ZDHHC13: variants seen among roughly 807,000 people sequenced by gnomAD.
ZDHHC13 encodes the protein zDHHC palmitoyltransferase 13, also known as palmitoyltransferase ZDHHC13.
ZDHHC13 carries 85 observed loss-of-function variants against 86.0 expected under a neutral mutation model. The ratio of observed to expected loss-of-function variants is 0.99; its 90% CI spans 0.83 to 1.18. The LOEUF (loss-of-function observed/expected upper bound fraction) is 1.18, where lower values mean the gene tolerates loss of function less well. Among genes scored for constraint, ZDHHC13 ranks in the 50% most tolerant of loss-of-function variants. The pLI, the probability that ZDHHC13 is intolerant of heterozygous loss-of-function variation, is 0.00. For synonymous variants in ZDHHC13, 263 were observed against 246.4 expected (o/e 1.07, Z -0.63); for missense variants, 711 against 730.2 (o/e 0.97, Z 0.30).
At chr11:19,139,253 A>G (rs1849238120) in intron 1 of ZDHHC13, among the ~76,000 whole-genome samples, 1 of 152,170 alleles carries the variant, frequency 6.6e-6, no homozygotes, top group Non-Finnish European at 1.5e-5. Context: ...AATCACAAGG[A>G]TTCTTATACA....
Position 19,152,651 on chromosome 11 carries a change from G to T in ZDHHC13, c.840G>T (p.Lys280Asn), listed in dbSNP as rs1326293997. The T allele has an allele frequency of 5.0e-6, 8 of 1,613,182 alleles. No homozygotes were observed. The highest frequency in any genetic ancestry group is 6.8e-6 in the Non-Finnish European group (8 of 1,179,398). Residue 280 changes from lysine (K) to asparagine (N), a missense_variant, in exon 8 of 17, where the codon AAG (lysine) becomes AAT (asparagine). By Grantham distance (94) the Lys-to-Asn change is moderately conservative. Transcript: ENST00000446113. ...KTEAKMRANQ[K>N]FRLWRWLQKC... Reference sequence around the variant, plus strand: ...AAGCCAAAATGAGAGCCAACCAAAAGTTCAGACTTTGGAGGTGGCTGCAGA... The same window carrying T: ...AAGCCAAAATGAGAGCCAACCAAAATTTCAGACTTTGGAGGTGGCTGCAGA...
At chr11:19,161,361 G>T (rs992019865) in intron 10 of ZDHHC13, among the ~76,000 whole-genome samples, 6 of 152,074 alleles carry the variant, frequency 3.9e-5, no homozygotes, top group African/African-American at 1.5e-4. Context: ...CAAGCTCATG[G>T]TGTGGCTGCA....
At chr11:19,150,618 T>A in intron 5 of ZDHHC13, 109 bp from the exon 6 acceptor site, 2 of 911,334 alleles carry the variant, frequency 2.2e-6, no homozygotes, top group Non-Finnish European at 3.3e-6. Context: ...GAGCCCTTTA[T>A]GTAGAAATAA....
At chr11:19,164,975 GT>G (rs1284232779) in intron 12 of ZDHHC13, 76 bp from the exon 13 acceptor site, 1 of 1,292,396 alleles carries the variant, frequency 7.7e-7, no homozygotes. Flanking sequence ...GTGACCTAAA[GT>G]TAAAATTTTG....
intron 1 of ZDHHC13, among the ~76,000 whole-genome samples, chr11:19,131,756 C>T (rs1395585123): frequency 1.3e-5 from 2 of 152,072 alleles, no homozygotes; most frequent in African/African-American, 2.4e-5. Flanking sequence ...GCCTCAGTCT[C>T]TCGAGCAGCT....
rs747520985 is a variant in ZDHHC13, at chr11:19,175,949, C to T, written c.1858C>T (p.Arg620Cys). ...VFHPAREKVLRSV is the reference protein window; with the variant it reads ...VFHPAREKVLCSV ...TCACCCAGCCAGGGAGAAGGTTCTTCGCTCAGTATGAAGAAAAGCAACCCA... is the reference window on the plus strand; with the variant it reads ...TCACCCAGCCAGGGAGAAGGTTCTTTGCTCAGTATGAAGAAAAGCAACCCA... The change falls in exon 17 of 17, where the codon CGC becomes TGC. Residue 620 changes from arginine to cysteine, a missense_variant. Coordinates refer to ENST00000446113, the MANE Select transcript of ZDHHC13 (RefSeq NM_019028.3). 1.1e-5 allele frequency: 17 copies of T among 1,606,806 alleles called. No individual in the cohort carries two copies. Among genetic ancestry groups the T allele is most frequent in the Admixed American group, 3.4e-5 (2 of 58,274 alleles).
At chr11:19,142,461 A>T (rs1400994571) in intron 1 of ZDHHC13, among the ~76,000 whole-genome samples, 1 of 152,102 alleles carries the variant, frequency 6.6e-6, no homozygotes, top group East Asian at 1.9e-4. Flanking sequence ...TGTGCTCAAG[A>T]GGAAGGAATT....
At chr11:19,118,559 C>T (rs140217018) in intron 1 of ZDHHC13, among the ~76,000 whole-genome samples, 1,720 of 152,300 alleles carry the variant, frequency 0.011, 22 homozygotes, top group Non-Finnish European at 0.015. Context: ...TTACAGAAGG[C>T]TTCAAGTGCT....
chr11:19,164,935 GGTCT>G (rs1850015957), intron 12 of ZDHHC13, 113 bp from the exon 13 acceptor site: 2 of 738,194 alleles, frequency 2.7e-6, no homozygotes, highest in Admixed American at 2.3e-5. Flanking sequence ...GTGAATTGAT[GGTCT>G]GTTTAGGATT....
intron 1 of ZDHHC13, among the ~76,000 whole-genome samples, chr11:19,128,063 T>C (rs1848914832): frequency 2.0e-5 from 3 of 152,228 alleles, no homozygotes; most frequent in South Asian, 2.1e-4. Flanking sequence ...TTTCATGATA[T>C]TGATTCTTCC....
At chr11:19,157,315 T>C (rs1219116945) in intron 9 of ZDHHC13, among the ~76,000 whole-genome samples, 1 of 152,208 alleles carries the variant, frequency 6.6e-6, no homozygotes, top group Admixed American at 6.5e-5. Flanking sequence ...TAGAAAAGAA[T>C]CTAAAGGGAA....
At chr11:19,154,769 C>T (rs574558941) in intron 8 of ZDHHC13, among the ~76,000 whole-genome samples, 6 of 152,124 alleles carry the variant, frequency 3.9e-5, no homozygotes, top group Admixed American at 6.5e-5. Flanking sequence ...TTCTTTCTGC[C>T]GGTTCTCATC....
chr11:19,169,577 A>G (rs1436529418), intron 14 of ZDHHC13: 1 of 985,370 alleles, frequency 1.0e-6, no homozygotes, highest in Non-Finnish European at 1.2e-6. Context: ...CTCAAGGTGC[A>G]AATCGACAGA....
intron 1 of ZDHHC13, 47 bp from the exon 2 acceptor site, chr11:19,142,931 G>A: frequency 2.6e-6 from 4 of 1,527,018 alleles, no homozygotes; most frequent in Non-Finnish European, 3.5e-6. Context: ...GTAATTGAGT[G>A]TGACATTAAT....
Position 19,117,597 on chromosome 11 carries a change from T to G in ZDHHC13, c.27+321T>G. 3.1e-5 allele frequency: 10 copies of G among 321,768 alleles called. No homozygotes were observed. The highest frequency in any genetic ancestry group is 1.3e-4 in the South Asian group (1 of 7,970). 19.9% of individuals were successfully genotyped at this position (321,768 alleles called of 1,614,324 possible). ...GGGCCTGGGGAGGGGACGATGGCCC[T>G]TCCCGGGAGAGGTGTCAGGTGACAC... On this transcript the variant is annotated intron_variant, in intron 1 of 16. Transcript: ENST00000446113. This position sits in a 1 kb window ranked among gnomAD's most constrained non-coding sequence, Gnocchi z 4.2.
chr11:19,163,444 A>C lies in ZDHHC13; in HGVS notation c.1233+17A>C. On this transcript the variant is annotated intron_variant, in intron 11 of 16. Coordinates refer to ENST00000446113, the MANE Select transcript of ZDHHC13 (RefSeq NM_019028.3). ...AAGAAAGTGGTGAGATTTCTTCGTT[A>C]CTGATATTTTTAATAGGAGGGTTTG... The C allele has an allele frequency of 6.4e-7, 1 of 1,568,942 alleles. No individual in the cohort carries two copies. Among genetic ancestry groups the C allele is most frequent in the Non-Finnish European group, 8.6e-7 (1 of 1,164,232 alleles).
chr11:19,145,024 G>A (rs754042322), intron 2 of ZDHHC13, among the ~76,000 whole-genome samples: 4 of 151,950 alleles, frequency 2.6e-5, no homozygotes, highest in Non-Finnish European at 4.4e-5. Context: ...CAGGAGAATC[G>A]CTTCAACCTG....
intron 2 of ZDHHC13, among the ~76,000 whole-genome samples, chr11:19,144,752 C>CT (rs377257623): frequency 3.5e-4 from 53 of 152,254 alleles, no homozygotes; most frequent in African/African-American, 1.2e-3. Context: ...CTTATTGGAA[C>CT]TTTCAGGTAG....
intron 1 of ZDHHC13, among the ~76,000 whole-genome samples, chr11:19,137,314 CAAA>C (rs995809114): frequency 6.6e-6 from 1 of 151,952 alleles, no homozygotes; most frequent in Non-Finnish European, 1.5e-5. Context: ...TCAAAAGAGA[CAAA>C]GAAGGCCATT....
Sources: gnomAD v4.1 joint callset for allele counts (sites outside exome capture counted in the v4.1 genomes callset) on GRCh38, gnomAD v4.1.1 for gene constraint, Gnocchi (gnomAD v3.1) non-coding constraint, MANE v1.5 for transcripts, NCBI Gene and HGNC (gene_info 2026-07-23, HGNC 2026-07-21) for gene names.